The following ANKRD46 variants were observed in gnomAD, a reference collection of about 807,000 sequenced individuals.
The protein encoded by ANKRD46 is ankyrin repeat domain 46, also known as ankyrin repeat domain-containing protein 46.
In ANKRD46, 13 loss-of-function variants were observed where a neutral mutation model predicts 19.8. The observed-to-expected ratio is 0.66, with a 90% CI of 0.43 to 1.04. The LOEUF (loss-of-function observed/expected upper bound fraction) is 1.04, where lower values mean the gene tolerates loss of function less well. ANKRD46 is among the 50% of genes least tolerant of loss of function. The pLI is 0.00. For synonymous variants in ANKRD46, 91 were observed against 106.9 expected (o/e 0.85, Z 0.92); for missense variants, 185 against 274.8 (o/e 0.67, Z 2.31).
chr8:100,522,669 G>A lies in ANKRD46; in HGVS notation c.573C>T (p.Gly191=). Residue 191 remains glycine (G), a synonymous_variant, in exon 5 of 5, where the codon GGC becomes GGT. Transcript: ENST00000335659. Reference sequence around the variant, plus strand: ...AGATCAACAGCAATACTCTCCAGAAGCCCAGATCCTCCACAAACTCCTGCC... The same window carrying A: ...AGATCAACAGCAATACTCTCCAGAAACCCAGATCCTCCACAAACTCCTGCC... ...TTWQEFVEDL[G]FWRVLLLIFV... 6.2e-7 allele frequency: 1 copy of A among 1,614,008 alleles called. No homozygotes were observed. Among genetic ancestry groups the A allele is most frequent in the Non-Finnish European group, 8.5e-7 (1 of 1,180,008 alleles).
downstream of ANKRD46, chr8:100,520,758 A>AAAG: frequency 1.0e-6 from 1 of 962,250 alleles, no homozygotes; most frequent in Non-Finnish European, 1.2e-6. Context: ...AAAAAAAAAA[A>AAAG]AGAGAAATCG....
rs1003789459 is a variant in ANKRD46 at position 100,526,107 on chromosome 8, C to T, written c.470+1738G>A. ...TGTTAATAACTCAATTTTTGAAAAACGAGCTTTATACAGTGTTACAATTAA... is the reference window on the plus strand; with the variant it reads ...TGTTAATAACTCAATTTTTGAAAAATGAGCTTTATACAGTGTTACAATTAA... On this transcript the variant is annotated intron_variant, in intron 4 of 4. Coordinates refer to ENST00000335659, the MANE Select transcript of ANKRD46 (RefSeq NM_001270377.2). Among the ~76,000 whole-genome samples the T allele has an allele frequency of 5.3e-5, 8 of 152,106 alleles. No individual in the cohort carries two copies. In the East Asian group the frequency reaches 9.6e-4, roughly 18 times the overall value.
At position 100,551,540 on chromosome 8, in the gene ANKRD46, G is replaced by C. The variant is rs1038318128; in HGVS notation, c.-131+8171C>G. 3.7e-6 allele frequency: 3 copies of C among 807,284 alleles called. No homozygotes were observed. The Admixed American group carries it at 5.3e-5, about 14-fold the overall frequency. The allele number at this position is 807,284 out of a possible 1,614,324, so 50.0% of individuals were successfully genotyped here. On this transcript the variant is annotated intron_variant, in intron 1 of 4. Coordinates refer to ENST00000335659, the MANE Select transcript of ANKRD46 (RefSeq NM_001270377.2). ...AAGCTTCCCATTCTCAGCCTTGACG[G>C]TGTGGTGGAATTTGCCATGGGTAGA... is the stretch of plus-strand genomic sequence containing the variant.
Position 100,510,458 on chromosome 8 carries a change from G to T in ANKRD46, c.*119C>A. ...CTGCCTCCTAACTGCAGAGCTTTGA[G>T]ATGATGCTCCATGACACAAGTCGTG... On this transcript the variant is annotated 3_prime_UTR_variant, in exon 6 of 6. Coordinates refer to the ANKRD46 transcript ENST00000520552. This position sits in a 1 kb window ranked among gnomAD's most constrained non-coding sequence, Gnocchi z 4.9. 1 of 970,050 alleles carries T rather than the reference G, an allele frequency of 1.0e-6. No homozygotes were observed. Among genetic ancestry groups the T allele is most frequent in the Non-Finnish European group, 1.5e-6 (1 of 674,526 alleles). The allele number at this position is 970,050 out of a possible 1,614,324, so 60.1% of individuals were successfully genotyped here. A position where few individuals can be genotyped will look rare whatever the true frequency, so the allele number is the denominator to read the frequency against.
chr8:100,514,529 G>GAGA (rs1018730026), intron 5 of ANKRD46, among the ~76,000 whole-genome samples: 1 of 150,932 alleles, frequency 6.6e-6, no homozygotes, highest in Non-Finnish European at 1.5e-5. Flanking sequence ...GAAAAAAAGG[G>GAGA]AGAAGACTCT....
chr8:100,555,952 A>G (rs1255458694), intron 1 of ANKRD46, among the ~76,000 whole-genome samples: 3 of 152,090 alleles, frequency 2.0e-5, no homozygotes, highest in Non-Finnish European at 2.9e-5. Context: ...TTTACTGCGT[A>G]CCTTGATTAT....
At position 100,522,547 on chromosome 8, in the gene ANKRD46, G is replaced by A. The variant is rs774165489; in HGVS notation, c.*8C>T. The A allele has an allele frequency of 1.2e-6, 2 of 1,613,548 alleles. No individual in the cohort carries two copies. Among genetic ancestry groups the A allele is most frequent in the African/African-American group, 2.7e-5 (2 of 74,904 alleles). ...GGCAATTAATTGCCTCATCTTCCAT[G>A]AGCTCCTTTAATGCACCAGTTCAGG... is the stretch of plus-strand genomic sequence containing the variant. On this transcript the variant is annotated 3_prime_UTR_variant, in exon 5 of 5. Coordinates refer to ENST00000335659, the MANE Select transcript of ANKRD46 (RefSeq NM_001270377.2).
chr8:100,527,933 G>A lies in ANKRD46; in HGVS notation c.382C>T (p.Leu128=). 1 of 1,608,692 alleles carries A rather than the reference G, an allele frequency of 6.2e-7. No individual in the cohort carries two copies. Among genetic ancestry groups the A allele is most frequent in the Non-Finnish European group, 8.5e-7 (1 of 1,179,360 alleles). ...RGVNKDVIRL[L]ESLEEQEVKG... is the part of the protein sequence containing the mutation. ...ACCTCCTGTTCTTCCAAAGATTCCA[G>A]CAATCGGATGACATCTTTATTTACT... Residue 128 remains leucine (L), a synonymous_variant, in exon 4 of 5, where the codon CTG becomes TTG. Transcript: ENST00000335659. The surrounding 1 kb of genome is among the most constrained non-coding windows in gnomAD (Gnocchi z 4.0).
chr8:100,515,645 C>T (rs1178000406), intron 5 of ANKRD46, among the ~76,000 whole-genome samples: 5 of 114,030 alleles, frequency 4.4e-5, no homozygotes, highest in South Asian at 2.6e-4. Flanking sequence ...TAGAATGGCA[C>T]GCTGAGGTGC....
Position 100,529,683 on chromosome 8 carries a change from G to A in ANKRD46, c.151C>T (p.Leu51Phe). 6.2e-7 allele frequency: 1 copy of A among 1,614,270 alleles called. No individual in the cohort carries two copies. The highest frequency in any genetic ancestry group is 8.5e-7 in the Non-Finnish European group (1 of 1,180,054). The change falls in exon 3 of 5, where the codon CTT (leucine) becomes TTT (phenylalanine). Residue 51 changes from leucine to phenylalanine, a missense_variant. Leu to Phe is a conservative substitution (Grantham distance 22). Transcript: ENST00000335659. The surrounding 1 kb of genome is among the most constrained non-coding windows in gnomAD (Gnocchi z 5.8). ...RDSRGRTGLH[L>F]AAARGNVDIC... ...TCTACATTCCCTCGAGCTGCTGCAA[G>A]GTGAAGGCCTGTTCTGCCCCTGCTG... is the stretch of plus-strand genomic sequence containing the variant.
At chr8:100,539,110 G>A (rs1812123186) in intron 1 of ANKRD46, among the ~76,000 whole-genome samples, 1 of 152,180 alleles carries the variant, frequency 6.6e-6, no homozygotes, top group Admixed American at 6.5e-5. Flanking sequence ...TTGATGCAAT[G>A]CTTTCTTTGC....
chr8:100,549,449 AAAT>A (rs1178858548), intron 1 of ANKRD46, among the ~76,000 whole-genome samples: 1 of 152,262 alleles, frequency 6.6e-6, no homozygotes, highest in Non-Finnish European at 1.5e-5. Flanking sequence ...AGGAAAATTT[AAAT>A]AATCACCAAA....
intron 3 of ANKRD46, 37 bp from the exon 4 acceptor site, chr8:100,528,040 A>T: frequency 7.3e-6 from 11 of 1,497,406 alleles, no homozygotes; most frequent in Non-Finnish European, 9.7e-6. Flanking sequence ...TTATAAAAAT[A>T]AAGAAGCCAT....
intron 1 of ANKRD46, among the ~76,000 whole-genome samples, chr8:100,556,324 C>T (rs907599240): frequency 6.6e-6 from 1 of 152,092 alleles, no homozygotes; most frequent in Non-Finnish European, 1.5e-5. Flanking sequence ...CCCAGCCCAC[C>T]CAAGCATTTT....
downstream of ANKRD46, among the ~76,000 whole-genome samples, chr8:100,518,253 C>T (rs1318347501): frequency 2.6e-5 from 4 of 151,988 alleles, no homozygotes; most frequent in Non-Finnish European, 5.9e-5. Context: ...TAACAACTGT[C>T]AAAATCAATA....
At position 100,511,329 on chromosome 8, in the gene ANKRD46, A is replaced by G. The variant is rs1811545431; in HGVS notation, c.637-690T>C. On this transcript the variant is annotated intron_variant, in intron 5 of 5. Coordinates refer to the ANKRD46 transcript ENST00000520552. This position sits in a 1 kb window ranked among gnomAD's most constrained non-coding sequence, Gnocchi z 4.1. ...GCCTGAGTGCGAGACCCCTGTGCTC[A>G]CCACCACACTCTTCTGCCTCCCAGT... Among the ~76,000 whole-genome samples the G allele has an allele frequency of 1.3e-5, 2 of 152,150 alleles. No individual in the cohort carries two copies. The highest frequency in any genetic ancestry group is 4.8e-5 in the African/African-American group (2 of 41,418).
In ANKRD46 at chr8:100,511,946, AC is replaced by A. The variant is rs200712222; in HGVS notation, c.637-1308del. On this transcript the variant is annotated intron_variant, in intron 5 of 5. Transcript: ENST00000520552. The surrounding 1 kb of genome is among the most constrained non-coding windows in gnomAD (Gnocchi z 4.1). ...AAGCTGAGTCAGAAGAATTGCTTGAACCCAGGTGGCGGAGGCTGCGGTGAGC... is the reference window on the plus strand; with the variant it reads ...AAGCTGAGTCAGAAGAATTGCTTGAACCAGGTGGCGGAGGCTGCGGTGAGC... Among the ~76,000 whole-genome samples the A allele has an allele frequency of 4.6e-3, 701 of 152,216 alleles. 3 individuals carry two copies. Among genetic ancestry groups the A allele is most frequent in the African/African-American group, 0.016 (648 of 41,530 alleles).
At chr8:100,523,762 GC>G (rs202245384) in intron 4 of ANKRD46, among the ~76,000 whole-genome samples, 2,120 of 152,048 alleles carry the variant, frequency 0.014, 29 homozygotes, top group Non-Finnish European at 0.022. Flanking sequence ...TCCTGCCTCA[GC>G]CCCCCAGGTA....
downstream of ANKRD46, among the ~76,000 whole-genome samples, chr8:100,519,397 G>A (rs1426331704): frequency 6.6e-6 from 1 of 152,200 alleles, no homozygotes; most frequent in Non-Finnish European, 1.5e-5. Context: ...AACAAGGAGG[G>A]CAGGGCAAGA....
Sources: gnomAD v4.1 joint callset for allele counts (sites outside exome capture counted in the v4.1 genomes callset) on GRCh38, gnomAD v4.1.1 for gene constraint, Gnocchi (gnomAD v3.1) non-coding constraint, MANE v1.5 for transcripts, NCBI Gene and HGNC (gene_info 2026-07-23, HGNC 2026-07-21) for gene names.